The following DCDC1 variants were observed in gnomAD, a reference collection of about 807,000 sequenced individuals.
The protein encoded by DCDC1 is doublecortin domain-containing protein 1.
Under a neutral mutation model 178.3 loss-of-function variants are expected in DCDC1, and 200 were observed. The observed-to-expected ratio is 1.12, with a 90% CI of 1.00 to 1.26. The LOEUF (loss-of-function observed/expected upper bound fraction) is 1.26, where lower values mean the gene tolerates loss of function less well. Ranked by LOEUF, DCDC1 falls within the 50% of genes most tolerant of loss-of-function variation. The pLI, the probability that DCDC1 is intolerant of heterozygous loss-of-function variation, is 0.00. For synonymous variants in DCDC1, 690 were observed against 604.8 expected (o/e 1.14, Z -2.07); for missense variants, 1,983 against 1,749.2 (o/e 1.13, Z -2.38).
intron 9 of DCDC1, among the ~76,000 whole-genome samples, chr11:31,144,192 T>C (rs972343769): frequency 1.3e-5 from 2 of 152,172 alleles, no homozygotes; most frequent in African/African-American, 4.8e-5. Flanking sequence ...TAGAGTGCAG[T>C]GGTACAATCT....
intron 7 of DCDC1, among the ~76,000 whole-genome samples, chr11:31,273,428 G>T (rs1196067799): frequency 6.6e-6 from 1 of 151,996 alleles, no homozygotes; most frequent in East Asian, 1.9e-4. Flanking sequence ...AATCTCTAGG[G>T]CAGGGGCAAC....
At chr11:30,956,032 C>G (rs1458052429) in intron 20 of DCDC1, among the ~76,000 whole-genome samples, 3 of 152,078 alleles carry the variant, frequency 2.0e-5, no homozygotes, top group African/African-American at 7.2e-5. Flanking sequence ...TTGGTTGTCA[C>G]AATGATTAGA....
At chr11:31,063,699 C>T (rs2135480709) in intron 20 of DCDC1, among the ~76,000 whole-genome samples, 1 of 151,966 alleles carries the variant, frequency 6.6e-6, no homozygotes, top group East Asian at 1.9e-4. Context: ...GGCAATATAG[C>T]TAGACCCCAT....
At chr11:30,970,533 G>T (rs1383717154) in intron 20 of DCDC1, among the ~76,000 whole-genome samples, 1 of 152,178 alleles carries the variant, frequency 6.6e-6, no homozygotes, top group African/African-American at 2.4e-5. Flanking sequence ...CTCTGCCACT[G>T]CTGCTGGCAG....
At chr11:31,305,426 G>A (rs1466136029) in intron 6 of DCDC1, among the ~76,000 whole-genome samples, 189 bp downstream of exon 6, 1 of 152,038 alleles carries the variant, frequency 6.6e-6, no homozygotes, top group African/African-American at 2.4e-5. Context: ...TGCTAATGAA[G>A]GGCAATAAAC....
intron 8 of DCDC1, among the ~76,000 whole-genome samples, chr11:31,263,406 A>C (rs1455230038): frequency 6.6e-6 from 1 of 152,154 alleles, no homozygotes; most frequent in African/African-American, 2.4e-5. Context: ...ATTAACCCCA[A>C]AGAACAAAAG....
Position 30,873,277 on chromosome 11 carries a change from G to T in DCDC1, c.*40+5267C>A, listed in dbSNP as rs140758385. ...AATGACTACACTAAACAAGAGGCAA[G>T]GAAAAATTTAAACTTTTATATTTGT... On this transcript the variant is annotated intron_variant, in intron 38 of 38. Transcript: ENST00000684477. Among the ~76,000 whole-genome samples, 68 of 143,308 alleles carry T rather than the reference G, an allele frequency of 4.7e-4. 1 individual carries two copies. The East Asian group carries it at 0.012, about 25-fold the overall frequency. The allele number at this position is 143,308 out of a possible 152,430, so 94.0% of individuals were successfully genotyped here.
At chr11:30,956,731 A>G (rs528711230) in intron 20 of DCDC1, among the ~76,000 whole-genome samples, 1 of 152,278 alleles carries the variant, frequency 6.6e-6, no homozygotes, top group Admixed American at 6.5e-5. Context: ...ATTTTAGGAT[A>G]ATAAAGAAGT....
chr11:30,897,803 G>T (rs1485157285), intron 34 of DCDC1, among the ~76,000 whole-genome samples: 2 of 152,042 alleles, frequency 1.3e-5, no homozygotes, highest in Non-Finnish European at 2.9e-5. Context: ...AATGAGAAGG[G>T]TATAGAATGT....
rs926218070 is a variant in DCDC1, at chr11:31,290,138, C to A, written c.960+509G>T. On this transcript the variant is annotated intron_variant, in intron 7 of 38. Transcript: ENST00000684477. ...TCTGTTTTTTAAAGTTTGCTTGTTT[C>A]ATGATTTTTCTTAGGCCCCTTAGAT... is the stretch of plus-strand genomic sequence containing the variant. Among the ~76,000 whole-genome samples, 6 of 152,000 alleles carry A rather than the reference C, an allele frequency of 3.9e-5. No individual in the cohort carries two copies. In the East Asian group the frequency reaches 1.2e-3, roughly 29 times the overall value.
intron 9 of DCDC1, among the ~76,000 whole-genome samples, chr11:31,139,487 A>C (rs1963562450): frequency 6.6e-6 from 1 of 152,202 alleles, no homozygotes; most frequent in Admixed American, 6.5e-5. Context: ...TCTCATCTCG[A>C]GAGGAAACGG....
chr11:30,938,198 C>T (rs1044807958), intron 21 of DCDC1, among the ~76,000 whole-genome samples: 7 of 152,098 alleles, frequency 4.6e-5, no homozygotes, highest in South Asian at 4.1e-4. Context: ...GTTTCTCTCT[C>T]GTTCATTTTT....
At chr11:30,983,499 A>C (rs2134827847) in intron 20 of DCDC1, among the ~76,000 whole-genome samples, 1 of 152,344 alleles carries the variant, frequency 6.6e-6, no homozygotes, top group South Asian at 2.1e-4. Context: ...CAAAAATAAT[A>C]GAATTATCTG....
intron 3 of DCDC1, among the ~76,000 whole-genome samples, chr11:31,323,313 G>A (rs938977730): frequency 3.3e-5 from 5 of 152,196 alleles, no homozygotes; most frequent in African/African-American, 1.2e-4. Flanking sequence ...ATAATGAAAT[G>A]ACAGTTGCCA....
intron 18 of DCDC1, among the ~76,000 whole-genome samples, chr11:31,076,695 G>A (rs1366939002): frequency 2.6e-5 from 4 of 152,234 alleles, no homozygotes; most frequent in East Asian, 1.9e-4. Flanking sequence ...ATTAATCCTG[G>A]ATTTATGTTT....
At position 31,305,606 on chromosome 11, in the gene DCDC1, C is replaced by CT; in HGVS notation, c.754+8dup. The CT allele has an allele frequency of 6.2e-7, 1 of 1,612,344 alleles. No individual in the cohort carries two copies. The highest frequency in any genetic ancestry group is 1.3e-5 in the African/African-American group (1 of 74,862). On this transcript the variant is annotated intron_variant, in intron 6 of 38. Transcript: ENST00000684477. ...TGTGGGGGTAGGGTATTTTTTAGAT[C>CT]TTTTTTACCTTTAATTTTTTTGAAT...
chr11:31,074,572 A>C (rs909574196), intron 18 of DCDC1, among the ~76,000 whole-genome samples: 2 of 152,272 alleles, frequency 1.3e-5, no homozygotes, highest in East Asian at 3.9e-4. Context: ...AGCAGCCCTC[A>C]CCAGACACCA....
intron 35 of DCDC1, among the ~76,000 whole-genome samples, chr11:30,893,478 C>T (rs1422643737): frequency 1.3e-5 from 2 of 152,108 alleles, no homozygotes; most frequent in African/African-American, 2.4e-5. Context: ...TTGCCAGATC[C>T]CTGCCAGGCA....
At chr11:30,976,165 G>C (rs1329941280) in intron 20 of DCDC1, among the ~76,000 whole-genome samples, 1 of 151,474 alleles carries the variant, frequency 6.6e-6, no homozygotes, top group African/African-American at 2.4e-5. Flanking sequence ...ATATGCAGAA[G>C]AATGAAATTA....
Sources: allele counts gnomAD v4.1 joint callset (sites outside exome capture counted in the v4.1 genomes callset), GRCh38; gene constraint gnomAD v4.1.1; transcripts MANE v1.5; gene names NCBI Gene and HGNC (gene_info 2026-07-23, HGNC 2026-07-21).